Variants in KIF26A observed in about 807,000 individuals in gnomAD.
KIF26A encodes kinesin-like protein KIF26A.
In KIF26A, 74 loss-of-function variants were observed where a neutral mutation model predicts 126.0. The observed-to-expected ratio is 0.59, with a 90% CI of 0.49 to 0.71. The LOEUF is 0.71. Ranked by LOEUF, KIF26A falls within the 30% of genes least tolerant of loss-of-function variation. The pLI, the probability that KIF26A is intolerant of heterozygous loss-of-function variation, is 0.00. For synonymous variants in KIF26A, 1,445 were observed against 1,232.7 expected (o/e 1.17, Z -3.61); for missense variants, 2,984 against 2,763.3 (o/e 1.08, Z -1.79).
intron 4 of KIF26A, among the ~76,000 whole-genome samples, chr14:104,160,303 C>G (rs1394234378): frequency 6.6e-6 from 1 of 151,928 alleles, no homozygotes; most frequent in Non-Finnish European, 1.5e-5. Context: ...AGTCTCAGCT[C>G]TGCTGCTGCC....
rs1371060075 is a variant in KIF26A, at chr14:104,177,593, G to A, written c.4805G>A (p.Arg1602Gln). ...AGCGGCGTGAACGTGGGGGAGGAGC[G>A]GCCACCCACGGGCCCGGCCCTGCCC... ...HDSGVNVGEERPPTGPALPSP... is the reference protein window; with the variant it reads ...HDSGVNVGEEQPPTGPALPSP... The change falls in exon 12 of 15, where the codon CGG becomes CAG. Residue 1602 changes from arginine to glutamine, a missense_variant. Arg to Gln is a conservative substitution (Grantham distance 43). Transcript: ENST00000423312. 7.2e-6 allele frequency: 11 copies of A among 1,531,516 alleles called. No individual in the cohort carries two copies. The highest frequency in any genetic ancestry group is 7.9e-6 in the Non-Finnish European group (9 of 1,143,944). 94.9% of individuals were successfully genotyped at this position (1,531,516 alleles called of 1,614,324 possible).
At chr14:104,155,725 G>C (rs2037770856) in intron 3 of KIF26A, among the ~76,000 whole-genome samples, 1 of 152,266 alleles carries the variant, frequency 6.6e-6, no homozygotes, top group African/African-American at 2.4e-5. Context: ...CGAGGCGCGT[G>C]CCGGACTCCT....
At chr14:104,156,648 A>G (rs972764701) in intron 3 of KIF26A, among the ~76,000 whole-genome samples, 1 of 152,060 alleles carries the variant, frequency 6.6e-6, no homozygotes, top group Non-Finnish European at 1.5e-5. Flanking sequence ...TGAGCCCTCC[A>G]TGGTGGTGAG....
Position 104,179,807 on chromosome 14 carries a change from AGAG to A in KIF26A, c.*22_*24del, listed in dbSNP as rs778952066. 3.1e-5 allele frequency: 47 copies of A among 1,510,426 alleles called. No individual in the cohort carries two copies. The African/African-American group carries it at 5.6e-4, about 18-fold the overall frequency. The allele number at this position is 1,510,426 out of a possible 1,614,324, so 93.6% of individuals were successfully genotyped here. ...GACGTCTGAGGCTGGGCGCCGGACA[AGAG>A]GAGGGGGCGTGCAGCGGGCTGGAGG... On this transcript the variant is annotated 3_prime_UTR_variant, in exon 15 of 15. Coordinates refer to ENST00000423312, the MANE Select transcript of KIF26A (RefSeq NM_015656.2).
chr14:104,161,992 C>T (rs10137425), intron 4 of KIF26A, among the ~76,000 whole-genome samples: 1 of 152,014 alleles, frequency 6.6e-6, no homozygotes, highest in South Asian at 2.1e-4. Flanking sequence ...AAGTAAGTTC[C>T]TGCCTCCACA....
chr14:104,168,989 G>A (rs2037932935), intron 5 of KIF26A, among the ~76,000 whole-genome samples: 1 of 152,236 alleles, frequency 6.6e-6, no homozygotes, highest in South Asian at 2.1e-4. Flanking sequence ...GCGTGTGCCC[G>A]GCACGGGCTG....
chr14:104,172,699 C>T, intron 7 of KIF26A, 31 bp downstream of exon 7: 1 of 1,513,186 alleles, frequency 6.6e-7, no homozygotes, highest in Non-Finnish European at 9.1e-7. Context: ...CTAGATGGGT[C>T]CTGCTGGCCA....
At position 104,176,079 on chromosome 14, in the gene KIF26A, G is replaced by A. The variant is rs753908957; in HGVS notation, c.3291G>A (p.Glu1097=). 4 of 1,594,426 alleles carry A rather than the reference G, an allele frequency of 2.5e-6. No individual in the cohort carries two copies. The highest frequency in any genetic ancestry group is 4.5e-5 in the East Asian group (2 of 44,178). The change falls in exon 12 of 15, where the codon GAG becomes GAA. Residue 1097 remains glutamate, a synonymous_variant. Coordinates refer to ENST00000423312, the MANE Select transcript of KIF26A (RefSeq NM_015656.2). The part of the protein sequence containing the change: ...TSQAPEGGPL[E]GAAWAGSSHG... ...AGGCCCCTGAGGGGGGGCCCCTGGA[G>A]GGGGCAGCCTGGGCCGGCAGCAGTC...
chr14:104,171,438 C>T (rs1318360138), intron 5 of KIF26A, among the ~76,000 whole-genome samples: 4 of 151,170 alleles, frequency 2.6e-5, no homozygotes, highest in Non-Finnish European at 4.4e-5. Context: ...CTCACGGAGG[C>T]GCCCGGAGCC....
intron 2 of KIF26A, among the ~76,000 whole-genome samples, chr14:104,142,891 C>T (rs1209247946): frequency 6.6e-6 from 1 of 152,204 alleles, no homozygotes; most frequent in African/African-American, 2.4e-5. Flanking sequence ...ACCCCCGGGA[C>T]TGCTGGGGCT....
Position 104,157,768 on chromosome 14 carries a change from T to C in KIF26A, c.749T>C (p.Val250Ala), listed in dbSNP as rs1167579816. ...CCTTCCCTCCAGGCCGAGGCAGCGG[T>C]GGCGGCCGTGGCGGTGGCAGACACG... ...LPPACLAEAA[V>A]AAVAVADTVR... Residue 250 changes from valine (V) to alanine (A), a missense_variant, in exon 4 of 15, where the codon GTG becomes GCG. Coordinates refer to ENST00000423312, the MANE Select transcript of KIF26A (RefSeq NM_015656.2). 3 of 1,610,480 alleles carry C rather than the reference T, an allele frequency of 1.9e-6. No homozygotes were observed. Among genetic ancestry groups the C allele is most frequent in the South Asian group, 2.2e-5 (2 of 90,856 alleles).
In KIF26A at chr14:104,176,453, G is replaced by C. The variant is rs763613505; in HGVS notation, c.3665G>C (p.Arg1222Pro). 7 of 1,606,240 alleles carry C rather than the reference G, an allele frequency of 4.4e-6. No homozygotes were observed. Among genetic ancestry groups the C allele is most frequent in the Non-Finnish European group, 5.9e-6 (7 of 1,178,292 alleles). ...CCGAGGACTGCCTCTGCCACCACCCGTGTGGGCTGTGCTCGCCTGGGCCAG... is the reference window on the plus strand; with the variant it reads ...CCGAGGACTGCCTCTGCCACCACCCCTGTGGGCTGTGCTCGCCTGGGCCAG... ...RKPRTASATT[R>P]VGCARLGQSP... The change falls in exon 12 of 15, where the codon CGT becomes CCT. Residue 1222 changes from arginine (R) to proline (P), a missense_variant. Arg to Pro is a moderately radical substitution (Grantham distance 103). Coordinates refer to ENST00000423312, the MANE Select transcript of KIF26A (RefSeq NM_015656.2).
At position 104,171,738 on chromosome 14, in the gene KIF26A, C is replaced by T. The variant is rs1311857872; in HGVS notation, c.1129C>T (p.Arg377Trp). 1 of 1,575,966 alleles carries T rather than the reference C, an allele frequency of 6.3e-7. No individual in the cohort carries two copies. The highest frequency in any genetic ancestry group is 8.6e-7 in the Non-Finnish European group (1 of 1,162,218). ...GSIGKVKVML[R>W]IWPAQGAQRS... ...TCTGCCCCAGGTGAAGGTTATGCTG[C>T]GGATCTGGCCCGCACAGGGGGCCCA... Residue 377 changes from arginine to tryptophan, a missense_variant, in exon 6 of 15, where the codon CGG becomes TGG. By Grantham distance (101) the Arg-to-Trp change is moderately radical. Transcript: ENST00000423312.
intron 1 of KIF26A, 52 bp from the exon 2 acceptor site, chr14:104,138,991 A>G (rs966221330): frequency 3.0e-6 from 4 of 1,322,768 alleles, no homozygotes; most frequent in Admixed American, 4.2e-5. Context: ...AGGGGTCTGG[A>G]TCCGACGGAC....
rs1388771132 is a variant in KIF26A, at chr14:104,176,213, A to T, written c.3425A>T (p.Asp1142Val). 8 of 1,599,806 alleles carry T rather than the reference A, an allele frequency of 5.0e-6. No homozygotes were observed. Among genetic ancestry groups the T allele is most frequent in the Non-Finnish European group, 6.8e-6 (8 of 1,174,718 alleles). The change falls in exon 12 of 15, where the codon GAC becomes GTC. Residue 1142 changes from aspartate (D) to valine (V), a missense_variant. By Grantham distance (152) the Asp-to-Val change is radical (BLOSUM62 -3). Transcript: ENST00000423312. ...RFSPDSLAGLDPGGPPALDGS... is the reference protein window; with the variant it reads ...RFSPDSLAGLVPGGPPALDGS... ...AGCCCCGACTCGCTGGCAGGGCTTGACCCTGGGGGCCCCCCTGCCCTGGAT... is the reference window on the plus strand; with the variant it reads ...AGCCCCGACTCGCTGGCAGGGCTTGTCCCTGGGGGCCCCCCTGCCCTGGAT...
intron 13 of KIF26A, 82 bp from the exon 14 acceptor site, chr14:104,179,147 TGAAGGGA>T: frequency 7.5e-7 from 1 of 1,340,412 alleles, no homozygotes; most frequent in Non-Finnish European, 9.7e-7. Flanking sequence ...GCCTGGCAGG[TGAAGGGA>T]GGCGGGGGCC....
chr14:104,139,025 C>A lies in KIF26A; in HGVS notation c.43-18C>A, dbSNP rs1234421994. On this transcript the variant is annotated intron_variant, in intron 1 of 14. Transcript: ENST00000423312. ...ACGTCCCAGGCTCACTGTCCGCTTC[C>A]GCCCCCACACCCTGCAGGTGGCCGA... The A allele has an allele frequency of 7.5e-7, 1 of 1,333,084 alleles. No homozygotes were observed. The allele number at this position is 1,333,084 out of a possible 1,614,324, so 82.6% of individuals were successfully genotyped here.
chr14:104,179,174 C>T, intron 13 of KIF26A, 62 bp from the exon 14 acceptor site: 1 of 1,404,648 alleles, frequency 7.1e-7, no homozygotes, highest in East Asian at 2.7e-5. Context: ...CACATCAGGG[C>T]TGCTTGGGGG....
At position 104,179,337 on chromosome 14, in the gene KIF26A, C is replaced by A. The variant is rs368962466; in HGVS notation, c.5418C>A (p.Ala1806=). The A allele has an allele frequency of 6.5e-7, 1 of 1,540,266 alleles. No homozygotes were observed. The highest frequency in any genetic ancestry group is 8.7e-7 in the Non-Finnish European group (1 of 1,146,412). The change falls in exon 14 of 15, where the codon GCC becomes GCA. Residue 1806 remains alanine, a synonymous_variant. Transcript: ENST00000423312. ...ACAAGCACCTGTGTGAGGAGCTGGCCGAGACCCAGGGCCGGCTGATGCTGG... is the reference window on the plus strand; with the variant it reads ...ACAAGCACCTGTGTGAGGAGCTGGCAGAGACCCAGGGCCGGCTGATGCTGG... ...AKHKHLCEEL[A]ETQGRLMLEP... is the part of the protein sequence containing the mutation.
Sources: allele counts gnomAD v4.1 joint callset (sites outside exome capture counted in the v4.1 genomes callset), GRCh38; gene constraint gnomAD v4.1.1; transcripts MANE v1.5; gene names NCBI Gene and HGNC (gene_info 2026-07-23, HGNC 2026-07-21).